Variants in CPLX1 observed in about 807,000 individuals in gnomAD.
The protein encoded by CPLX1 is complexin 1.
A neutral mutation model predicts 15.6 loss-of-function variants in CPLX1; 6 were observed. The observed-to-expected ratio is 0.39, with a 90% CI of 0.21 to 0.76. The LOEUF is 0.76. Among genes scored for constraint, CPLX1 ranks in the 30% least tolerant of loss-of-function variants. The pLI is 0.43. For missense variants in CPLX1, 242 were observed against 188.6 expected, an observed-to-expected ratio of 1.28 and a Z score of -1.66; for synonymous variants, 91 against 75.2, an observed-to-expected ratio of 1.21 and a Z score of -1.08.
At chr4:795,763 C>A (rs1746316695) in intron 2 of CPLX1, among the ~76,000 whole-genome samples, 1 of 148,296 alleles carries the variant, frequency 6.7e-6, no homozygotes, top group Admixed American at 6.7e-5. Context: ...GGGAGGGGCC[C>A]TTCCCACCCG....
rs371042405 is a variant in CPLX1 at position 792,456 on chromosome 4, C to T, written c.184G>A (p.Val62Met). 3.5e-5 allele frequency: 56 copies of T among 1,602,416 alleles called. No homozygotes were observed. The highest frequency in any genetic ancestry group is 2.3e-4 in the African/African-American group (17 of 74,462). ...ACCTTGTCTCGGATGCCCTGGCGCA[C>T]GGCCTCGCGCTCCGCCTCCATCTTG... ...YAKMEAEREA[V>M]RQGIRDKYGI... The change falls in exon 3 of 4, where the codon GTG (valine) becomes ATG (methionine). Residue 62 changes from valine (V) to methionine (M), a missense_variant. Coordinates refer to ENST00000304062, the MANE Select transcript of CPLX1 (RefSeq NM_006651.4).
rs1745950272 is a variant in CPLX1 at position 785,409 on chromosome 4, A to C, written c.*1092T>G. 1 of 152,462 alleles carries C rather than the reference A, an allele frequency of 6.6e-6. No individual in the cohort carries two copies. Among genetic ancestry groups the C allele is most frequent in the Non-Finnish European group, 1.5e-5 (1 of 68,024 alleles). 9.4% of individuals were successfully genotyped at this position (152,462 alleles called of 1,614,324 possible). A position where few individuals can be genotyped will look rare whatever the true frequency, so the allele number is the denominator to read the frequency against. On this transcript the variant is annotated 3_prime_UTR_variant, in exon 4 of 4. Transcript: ENST00000304062. ...ACGCCCTGGCCCGAAACACGTGGAG[A>C]CTTGATGCATTTTTGATGTGGACGA... is the stretch of plus-strand genomic sequence containing the variant.
chr4:803,244 C>T (rs1560242053), intron 2 of CPLX1, among the ~76,000 whole-genome samples: 1 of 152,258 alleles, frequency 6.6e-6, no homozygotes, highest in Admixed American at 6.5e-5. Flanking sequence ...GCTGCCGCTG[C>T]GATTCTGCGC....
chr4:824,632 C>T, intron 1 of CPLX1, 31 bp from the exon 2 acceptor site: 1 of 1,174,530 alleles, frequency 8.5e-7, no homozygotes, highest in Non-Finnish European at 1.3e-6. Flanking sequence ...CACAGGTCAC[C>T]CTAAGCAGGC....
chr4:807,053 A>C (rs750707415), intron 2 of CPLX1, among the ~76,000 whole-genome samples: 4 of 152,256 alleles, frequency 2.6e-5, no homozygotes, highest in Admixed American at 6.5e-5. Context: ...TATTCACAAT[A>C]GCAAAGATAG....
intron 1 of CPLX1, among the ~76,000 whole-genome samples, chr4:825,653 CGAG>C (rs1746966029): frequency 6.6e-6 from 1 of 151,624 alleles, no homozygotes; most frequent in South Asian, 2.1e-4. Context: ...CAGGAAGAAG[CGAG>C]GAGGAGGCCG....
intron 2 of CPLX1, among the ~76,000 whole-genome samples, chr4:810,056 T>TTC (rs1553854098): frequency 6.7e-6 from 1 of 148,462 alleles, no homozygotes; most frequent in African/African-American, 2.5e-5. Context: ...TCTTTTTTTT[T>TTC]TTTTTTTTTT....
rs756755483 is a variant in CPLX1, at chr4:790,875, CCT to C, written c.207+1556_207+1557del. Among the ~76,000 whole-genome samples, 8 of 151,986 alleles carry C rather than the reference CCT, an allele frequency of 5.3e-5. No individual in the cohort carries two copies. In the East Asian group the frequency reaches 5.8e-4, roughly 11 times the overall value. ...GTCTCGGCCTTGATTGCTGTCTCTC[CCT>C]CTCTCTGTGCCTGTCTCTCCTCTCT... On this transcript the variant is annotated intron_variant, in intron 3 of 3. Transcript: ENST00000304062.
intron 2 of CPLX1, among the ~76,000 whole-genome samples, chr4:793,072 A>G (rs1252288428): frequency 6.6e-6 from 1 of 152,136 alleles, no homozygotes; most frequent in Admixed American, 6.5e-5. Context: ...TTGTGTGATC[A>G]GGCTTGTCGT....
At chr4:817,544 G>A (rs974733491) in intron 2 of CPLX1, among the ~76,000 whole-genome samples, 2 of 151,768 alleles carry the variant, frequency 1.3e-5, no homozygotes, top group African/African-American at 2.4e-5. Context: ...GCAATAGAGC[G>A]AGACTCTGTC....
At chr4:809,520 G>A (rs1746622136) in intron 2 of CPLX1, among the ~76,000 whole-genome samples, 1 of 151,930 alleles carries the variant, frequency 6.6e-6, no homozygotes, top group Non-Finnish European at 1.5e-5. Flanking sequence ...CGGACACATG[G>A]CCTGAGGGGG....
Position 786,640 on chromosome 4 carries a change from T to G in CPLX1, c.266A>C (p.Asn89Thr), listed in dbSNP as rs779283283. 1.9e-6 allele frequency: 3 copies of G among 1,612,036 alleles called. No individual in the cohort carries two copies. Among genetic ancestry groups the G allele is most frequent in the Non-Finnish European group, 2.5e-6 (3 of 1,179,252 alleles). Residue 89 changes from asparagine (N) to threonine (T), a missense_variant, in exon 4 of 4, where the codon AAC becomes ACC. By Grantham distance (65) the Asn-to-Thr change is moderately conservative (BLOSUM62 0). Transcript: ENST00000304062. ...GGGCCGCGTCAAGCTCCCCTCGGAG[T>G]TGGCCTCCATGGCGGCCTGGGCCTC... ...EAEAQAAMEANSEGSLTRPKK... is the reference protein window; with the variant it reads ...EAEAQAAMEATSEGSLTRPKK...
At chr4:788,157 G>A (rs750892906) in intron 3 of CPLX1, 291 of 985,304 alleles carry the variant, frequency 3.0e-4, no homozygotes, top group Non-Finnish European at 3.4e-4. Flanking sequence ...TCCTGCTCCT[G>A]TCTCAGCAGC....
chr4:819,893 TC>T (rs1473776710), intron 2 of CPLX1, among the ~76,000 whole-genome samples: 1 of 152,184 alleles, frequency 6.6e-6, no homozygotes, highest in Non-Finnish European at 1.5e-5. Flanking sequence ...GCATGAAAGA[TC>T]CACTGAGGAC....
Position 786,649 on chromosome 4 carries a change from A to C in CPLX1, c.257T>G (p.Met86Arg). 1 of 1,610,682 alleles carries C rather than the reference A, an allele frequency of 6.2e-7. No homozygotes were observed. The highest frequency in any genetic ancestry group is 8.5e-7 in the Non-Finnish European group (1 of 1,178,688). ...EEREAEAQAAMEANSEGSLTR... is the reference protein window; with the variant it reads ...EEREAEAQAAREANSEGSLTR... Reference sequence around the variant, plus strand: ...CAAGCTCCCCTCGGAGTTGGCCTCCATGGCGGCCTGGGCCTCGGCCTCGCG... The same window carrying C: ...CAAGCTCCCCTCGGAGTTGGCCTCCCTGGCGGCCTGGGCCTCGGCCTCGCG... Residue 86 changes from methionine to arginine, a missense_variant, in exon 4 of 4, where the codon ATG (methionine) becomes AGG (arginine). Met to Arg is a moderately conservative substitution (Grantham distance 91). Transcript: ENST00000304062.
intron 2 of CPLX1, among the ~76,000 whole-genome samples, chr4:810,593 C>A (rs1425429435): frequency 6.6e-6 from 1 of 152,208 alleles, no homozygotes; most frequent in Admixed American, 6.5e-5. Flanking sequence ...CCGTGACCAG[C>A]ACTGCCGAAC....
In CPLX1 at chr4:798,190, A is replaced by C. The variant is rs1746381135; in HGVS notation, c.32-5582T>G. Among the ~76,000 whole-genome samples, 3 of 148,574 alleles carry C rather than the reference A, an allele frequency of 2.0e-5. No homozygotes were observed. In the South Asian group the frequency reaches 6.4e-4, roughly 31 times the overall value. On this transcript the variant is annotated intron_variant, in intron 2 of 3. Coordinates refer to ENST00000304062, the MANE Select transcript of CPLX1 (RefSeq NM_006651.4). The stretch of plus-strand genomic sequence containing the variant: ...CTTGAGAGGCTGAGTCAGGAGAATC[A>C]CTTGAACCCAAGAGGTGGAGGTTGC...
chr4:787,358 C>A, intron 3 of CPLX1: 1 of 985,432 alleles, frequency 1.0e-6, no homozygotes, highest in Non-Finnish European at 1.2e-6. Flanking sequence ...TCTCATCTCC[C>A]GTGAGTGCGT....
intron 2 of CPLX1, among the ~76,000 whole-genome samples, chr4:812,543 G>A (rs1746682544): frequency 6.6e-6 from 1 of 152,180 alleles, no homozygotes; most frequent in South Asian, 2.1e-4. Flanking sequence ...AAGGGTATGG[G>A]CTTGAGTGTG....
Sources: allele counts gnomAD v4.1 joint callset (sites outside exome capture counted in the v4.1 genomes callset), GRCh38; gene constraint gnomAD v4.1.1; transcripts MANE v1.5; gene names NCBI Gene and HGNC (gene_info 2026-07-23, HGNC 2026-07-21).